Variants in RASL12 observed in about 807,000 individuals in gnomAD.
The protein encoded by RASL12 is ras-like protein family member 12.
Under a neutral mutation model 22.9 loss-of-function variants are expected in RASL12, and 16 were observed. The ratio of observed to expected loss-of-function variants is 0.70; its 90% confidence interval spans 0.47 to 1.06. The LOEUF is 1.06. Ranked by LOEUF, RASL12 falls within the 50% of genes least tolerant of loss-of-function variation. The pLI is 0.00. For missense variants in RASL12, 306 were observed against 353.1 expected (o/e 0.87, Z 1.07); for synonymous variants, 159 against 152.2 (o/e 1.04, Z -0.33).
intron 2 of RASL12, among the ~76,000 whole-genome samples, chr15:65,064,114 AAC>A (rs1223645923): frequency 3.3e-5 from 5 of 152,252 alleles, no homozygotes; most frequent in African/African-American, 1.2e-4. Flanking sequence ...AGCTTTAAGC[AAC>A]ATTTATACTA....
intron 2 of RASL12, among the ~76,000 whole-genome samples, chr15:65,060,045 G>A (rs2086783457): frequency 6.6e-6 from 1 of 152,242 alleles, no homozygotes; most frequent in Non-Finnish European, 1.5e-5. Flanking sequence ...AATCACTTCA[G>A]CTCTCTGAGG....
At chr15:65,068,547 A>G (rs1175879840), upstream of RASL12, among the ~76,000 whole-genome samples, 2 of 152,214 alleles carry the variant, frequency 1.3e-5, no homozygotes, top group Non-Finnish European at 2.9e-5. The surrounding 1 kb of genome is among the most constrained non-coding windows in gnomAD (Gnocchi z 4.2). Flanking sequence ...TTCAGGGCCA[A>G]TATGGGTTCA....
chr15:65,058,700 C>T (rs1387872125), intron 3 of RASL12, 83 bp from the exon 4 acceptor site: 8 of 1,005,470 alleles, frequency 8.0e-6, no homozygotes, highest in African/African-American at 5.0e-5. Flanking sequence ...ATCCCACCTC[C>T]CCACTCCCCG....
chr15:65,065,127 T>C, intron 2 of RASL12, 90 bp downstream of exon 2: 9 of 1,258,600 alleles, frequency 7.2e-6, no homozygotes, highest in African/African-American at 1.5e-5. Flanking sequence ...AGACATGCAG[T>C]CCTGGTCAGT....
intron 4 of RASL12, among the ~76,000 whole-genome samples, chr15:65,055,996 C>A (rs2086726190): frequency 6.6e-6 from 1 of 152,128 alleles, no homozygotes; most frequent in African/African-American, 2.4e-5. Flanking sequence ...ACACCACCTC[C>A]CGTGAAGGGA....
Position 65,054,197 on chromosome 15 carries a change from A to G in RASL12, c.*702T>C, listed in dbSNP as rs986614104. On this transcript the variant is annotated 3_prime_UTR_variant, in exon 5 of 5. Transcript: ENST00000220062. ...AGAGTCCTTAACAGTGGGAAAACAC[A>G]TGGAGAATCTGTCTGCTGGTGAAAG... is the stretch of plus-strand genomic sequence containing the variant. 1.2e-5 allele frequency: 12 copies of G among 985,842 alleles called. No homozygotes were observed. The highest frequency in any genetic ancestry group is 1.4e-5 in the Non-Finnish European group (12 of 829,996). The allele number at this position is 985,842 out of a possible 1,614,324, so 61.1% of individuals were successfully genotyped here. A position where few individuals can be genotyped will look rare whatever the true frequency, so the allele number is the denominator to read the frequency against.
rs749245463 is a variant in RASL12 at position 65,055,131 on chromosome 15, C to T, written c.569G>A (p.Ser190Asn). 6.2e-7 allele frequency: 1 copy of T among 1,611,038 alleles called. No individual in the cohort carries two copies. Among genetic ancestry groups the T allele is most frequent in the South Asian group, 1.1e-5 (1 of 90,706 alleles). Residue 190 changes from serine (S) to asparagine (N), a missense_variant, in exon 5 of 5, where the codon AGC (serine) becomes AAC (asparagine). Ser to Asn is a conservative substitution (Grantham distance 46, BLOSUM62 1). Coordinates refer to ENST00000220062, the MANE Select transcript of RASL12 (RefSeq NM_016563.4). ...GATGAAGAGGGGCCGGGTCAGGGGGCTCTTCTCCAGCTCCCGCCGTGCCTC... is the reference window on the plus strand; with the variant it reads ...GATGAAGAGGGGCCGGGTCAGGGGGTTCTTCTCCAGCTCCCGCCGTGCCTC... ...VREARRELEK[S>N]PLTRPLFISE... is the part of the protein sequence containing the mutation.
intron 1 of RASL12, among the ~76,000 whole-genome samples, chr15:65,066,909 C>T (rs1409206070): frequency 6.6e-6 from 1 of 152,186 alleles, no homozygotes; most frequent in Non-Finnish European, 1.5e-5. Context: ...ACCCCTTCTG[C>T]CCTCCCTCCT....
At chr15:65,058,769 G>A (rs1256050420) in intron 3 of RASL12, 152 bp from the exon 4 acceptor site, 3 of 586,258 alleles carry the variant, frequency 5.1e-6, no homozygotes, top group Non-Finnish European at 8.5e-6. Context: ...GTGTGGATTT[G>A]GCTTGGTGTG....
chr15:65,053,523 G>A lies in RASL12; in HGVS notation c.*1376C>T. On this transcript the variant is annotated 3_prime_UTR_variant, in exon 5 of 5. Transcript: ENST00000220062. ...TAGGACTGCAAGCATGTGGTCTTGAGTAGTTCACAGCCCCCCTCTGACCTC... is the reference window on the plus strand; with the variant it reads ...TAGGACTGCAAGCATGTGGTCTTGAATAGTTCACAGCCCCCCTCTGACCTC... 3.8e-6 allele frequency: 4 copies of A among 1,051,642 alleles called. No individual in the cohort carries two copies. The highest frequency in any genetic ancestry group is 6.6e-5 in the South Asian group (2 of 30,216). 65.1% of individuals were successfully genotyped at this position (1,051,642 alleles called of 1,614,324 possible).
chr15:65,067,741 C>T lies in RASL12; in HGVS notation c.95G>A (p.Gly32Asp). ...TCCCCGGCGCCACTCACCAGACTTG[C>T]CAGCCCCGCGGCGCCCCAGGATGGC... ...NLAILGRRGA[G>D]KSALTVKFLT... The change falls in exon 1 of 5, where the codon GGC becomes GAC. Residue 32 changes from glycine (G) to aspartate (D), a missense_variant. Gly to Asp is a moderately conservative substitution (Grantham distance 94). Transcript: ENST00000220062. 1.9e-6 allele frequency: 3 copies of T among 1,565,330 alleles called. No individual in the cohort carries two copies. The highest frequency in any genetic ancestry group is 1.2e-5 in the South Asian group (1 of 85,900).
At chr15:65,072,020 C>T (rs1210782772), upstream of RASL12, among the ~76,000 whole-genome samples, 1 of 152,218 alleles carries the variant, frequency 6.6e-6, no homozygotes, top group Non-Finnish European at 1.5e-5. Context: ...GACACTCTTT[C>T]CCTACCACTA....
At chr15:65,071,141 C>T (rs2086929124), upstream of RASL12, among the ~76,000 whole-genome samples, 1 of 152,176 alleles carries the variant, frequency 6.6e-6, no homozygotes, top group Non-Finnish European at 1.5e-5. Flanking sequence ...TGGAGACTCC[C>T]ACAGGTTAGC....
At chr15:65,074,572 T>G (rs932415990) in intron 1 of RASL12, among the ~76,000 whole-genome samples, 10 of 152,268 alleles carry the variant, frequency 6.6e-5, no homozygotes, top group African/African-American at 2.2e-4. Context: ...TTTTTTTGTA[T>G]TTTTAATAGA....
chr15:65,076,567 G>C, exon 1 of RASL12: 3 of 702,406 alleles, frequency 4.3e-6, no homozygotes, highest in Middle Eastern at 2.3e-4. Flanking sequence ...GTCAGACCAA[G>C]AACCCACCAA....
rs1301882928 is a variant in RASL12 at position 65,064,743 on chromosome 15, C to T, written c.160+474G>A. 3.9e-5 allele frequency among the ~76,000 whole-genome samples: 6 copies of T among 152,012 alleles called. No individual in the cohort carries two copies. The East Asian group carries it at 9.7e-4, about 24-fold the overall frequency. On this transcript the variant is annotated intron_variant, in intron 2 of 4. Coordinates refer to ENST00000220062, the MANE Select transcript of RASL12 (RefSeq NM_016563.4). ...TCCCTAGAAGCTGGGATTACAGGCA[C>T]ACACCACTATGCCCAGCTAATTTTT...
At chr15:65,051,082 G>A (rs1371251872), downstream of RASL12, among the ~76,000 whole-genome samples, 1 of 151,982 alleles carries the variant, frequency 6.6e-6, no homozygotes, top group Admixed American at 6.6e-5. Context: ...GACCTCAGGT[G>A]ATCCACCTGA....
intron 4 of RASL12, among the ~76,000 whole-genome samples, chr15:65,055,568 G>T (rs1273663017): frequency 6.6e-6 from 1 of 152,202 alleles, no homozygotes; most frequent in Non-Finnish European, 1.5e-5. Context: ...ATGAGGGTAA[G>T]GGTAAGAAGC....
intron 1 of RASL12, among the ~76,000 whole-genome samples, chr15:65,075,097 T>A (rs2086956228): frequency 6.6e-6 from 1 of 152,236 alleles, no homozygotes; most frequent in Non-Finnish European, 1.5e-5. Context: ...GGGCGTGGGC[T>A]TGGCGGGCCC....
Sources: gnomAD v4.1 joint callset for allele counts (sites outside exome capture counted in the v4.1 genomes callset) on GRCh38, gnomAD v4.1.1 for gene constraint, Gnocchi (gnomAD v3.1) non-coding constraint, MANE v1.5 for transcripts, NCBI Gene and HGNC (gene_info 2026-07-23, HGNC 2026-07-21) for gene names.